The following MX1 variants were observed in gnomAD, a reference collection of about 807,000 sequenced individuals.
MX1 encodes the protein interferon-induced GTP-binding protein Mx1.
In MX1, 66 loss-of-function variants were observed where a neutral mutation model predicts 66.4. The observed-to-expected ratio is 0.99, with a 90% confidence interval of 0.82 to 1.22. The LOEUF (loss-of-function observed/expected upper bound fraction) is 1.22, where lower values mean the gene tolerates loss of function less well. MX1 is among the 50% of genes most tolerant of loss of function. The pLI is 0.00. For synonymous variants in MX1, 311 were observed against 318.1 expected (o/e 0.98, Z 0.24); for missense variants, 787 against 834.3 (o/e 0.94, Z 0.70).
chr21:41,423,613 G>A (rs901562294), upstream of MX1, among the ~76,000 whole-genome samples: 1 of 152,218 alleles, frequency 6.6e-6, no homozygotes, highest in South Asian at 2.1e-4. Flanking sequence ...CTAGGCTTAG[G>A]GATTCTTAGT....
intron 7 of MX1, among the ~76,000 whole-genome samples, chr21:41,438,771 C>T (rs762144468): frequency 4.6e-5 from 7 of 152,202 alleles, no homozygotes; most frequent in African/African-American, 7.2e-5. Flanking sequence ...AATGTAGAGG[C>T]TTTCTGTCCC....
intron 3 of MX1, chr21:41,430,050 C>G (rs1006023139): frequency 6.6e-6 from 1 of 152,146 alleles, no homozygotes; most frequent in Non-Finnish European, 1.5e-5. Context: ...TGTTCTTTAG[C>G]CAAGGCAGCA....
chr21:41,437,474 T>TAA (rs3216170), intron 7 of MX1, among the ~76,000 whole-genome samples: 3 of 148,744 alleles, frequency 2.0e-5, no homozygotes, highest in African/African-American at 7.4e-5. Flanking sequence ...CCCCGTCTCT[T>TAA]AAAAAAAAAA....
rs376502640 is a variant in MX1 at position 41,441,531 on chromosome 21, G to A, written c.731-185G>A. The A allele has an allele frequency of 1.6e-5, 10 of 627,178 alleles. No homozygotes were observed. The highest frequency in any genetic ancestry group is 2.3e-5 in the Non-Finnish European group (8 of 354,888). 38.9% of individuals were successfully genotyped at this position (627,178 alleles called of 1,614,324 possible). A position where few individuals can be genotyped will look rare whatever the true frequency, so the allele number is the denominator to read the frequency against. The stretch of plus-strand genomic sequence containing the variant: ...TTCTGGGAGGCATCCCTGCCTTCAC[G>A]CGGCTTGTCGTGGAGTTCTTTTCTG... On this transcript the variant is annotated intron_variant, in intron 9 of 16. Coordinates refer to ENST00000398598, the MANE Select transcript of MX1 (RefSeq NM_002462.5). This position sits in a 1 kb window ranked among gnomAD's most constrained non-coding sequence, Gnocchi z 4.0.
intron 16 of MX1, among the ~76,000 whole-genome samples, chr21:41,453,259 C>G (rs532060801): frequency 5.3e-5 from 8 of 152,188 alleles, no homozygotes; most frequent in Non-Finnish European, 1.2e-4. Context: ...GGAGAAACTG[C>G]CCCCATGATT....
chr21:41,441,082 CGGTGAGAATGGGGGA>C lies in MX1; in HGVS notation c.730+59_730+73del. ...GAGAATGGGGGAGCCCGCCTGTGCTCGGTGAGAATGGGGGAGCCCACCTGTGCTCGGTGAGAATGG... is the reference window on the plus strand; with the variant it reads ...GAGAATGGGGGAGCCCGCCTGTGCTCGCCCACCTGTGCTCGGTGAGAATGG... On this transcript the variant is annotated intron_variant, in intron 9 of 16. Transcript: ENST00000398598. The surrounding 1 kb of genome is among the most constrained non-coding windows in gnomAD (Gnocchi z 4.0). The C allele has an allele frequency of 6.9e-7, 1 of 1,451,416 alleles. No homozygotes were observed. The highest frequency in any genetic ancestry group is 9.2e-7 in the Non-Finnish European group (1 of 1,082,998). The allele number at this position is 1,451,416 out of a possible 1,614,324, so 89.9% of individuals were successfully genotyped here. A position where few individuals can be genotyped will look rare whatever the true frequency, so the allele number is the denominator to read the frequency against.
intron 3 of MX1, chr21:41,428,397 A>T (rs576918925): frequency 6.6e-6 from 1 of 152,272 alleles, no homozygotes; most frequent in Non-Finnish European, 1.5e-5. Context: ...TAGGGTAAGG[A>T]CCCACAGTGG....
At chr21:41,446,188 G>A (rs746133484) in intron 13 of MX1, 47 bp downstream of exon 13, 1 of 1,509,704 alleles carries the variant, frequency 6.6e-7, no homozygotes, top group South Asian at 1.1e-5. Flanking sequence ...CCGAATACCT[G>A]AGACTGGGTC....
chr21:41,425,502 T>C (rs529730480), upstream of MX1, among the ~76,000 whole-genome samples: 35 of 152,362 alleles, frequency 2.3e-4, no homozygotes, highest in African/African-American at 8.2e-4. Context: ...TCAGTTACTT[T>C]AGGCCATCTG....
intron 7 of MX1, 51 bp downstream of exon 7, chr21:41,437,203 G>A: frequency 2.5e-6 from 4 of 1,607,446 alleles, no homozygotes; most frequent in Non-Finnish European, 3.4e-6. Flanking sequence ...CATGCATGGG[G>A]TCTGTTTGTA....
At chr21:41,431,318 G>A (rs555523153) in intron 4 of MX1, among the ~76,000 whole-genome samples, 50 of 152,292 alleles carry the variant, frequency 3.3e-4, no homozygotes, top group African/African-American at 1.0e-3. Flanking sequence ...GAGCTACTGT[G>A]CCCAGCCTTT....
upstream of MX1, among the ~76,000 whole-genome samples, chr21:41,424,233 GTGT>G (rs2090022107): frequency 7.8e-6 from 1 of 128,696 alleles, no homozygotes; most frequent in Non-Finnish European, 1.8e-5. Context: ...TTGAGTGTGT[GTGT>G]GTGTGTGTGT....
At chr21:41,429,515 G>A (rs1207945207) in intron 3 of MX1, 1 of 152,194 alleles carries the variant, frequency 6.6e-6, no homozygotes, top group African/African-American at 2.4e-5. Context: ...GGCAGATGAA[G>A]TGGTGGTCTT....
At chr21:41,451,743 T>C (rs1477910267) in intron 15 of MX1, among the ~76,000 whole-genome samples, 1 of 150,076 alleles carries the variant, frequency 6.7e-6, no homozygotes, top group Non-Finnish European at 1.5e-5. Context: ...GCTGACACTT[T>C]AGAATTGATT....
chr21:41,446,224 C>G (rs1049629523), intron 13 of MX1, 83 bp downstream of exon 13: 8 of 1,253,236 alleles, frequency 6.4e-6, no homozygotes, highest in Middle Eastern at 1.9e-4. Context: ...AAACTTATTG[C>G]TCATTGTTCT....
chr21:41,455,355 A>C (rs1217607183), intron 16 of MX1, among the ~76,000 whole-genome samples: 1 of 152,244 alleles, frequency 6.6e-6, no homozygotes, highest in Admixed American at 6.5e-5. Flanking sequence ...GTTAAGGGGA[A>C]GACAGGCATG....
At chr21:41,456,263 AAAAC>A (rs2090956683) in intron 16 of MX1, among the ~76,000 whole-genome samples, 1 of 152,162 alleles carries the variant, frequency 6.6e-6, no homozygotes, top group Non-Finnish European at 1.5e-5. Flanking sequence ...AAACAAACAA[AAAAC>A]AAAACAAAAC....
intron 5 of MX1, among the ~76,000 whole-genome samples, chr21:41,433,579 T>C (rs2090281920): frequency 6.6e-6 from 1 of 152,212 alleles, no homozygotes; most frequent in Non-Finnish European, 1.5e-5. Flanking sequence ...TGATTCCACT[T>C]ACGTAAAATT....
Position 41,441,055 on chromosome 21 carries a change from G to GTGAGAATGGGGGAGCCCGTCTGTGCTCGA in MX1, c.730+48_730+49insTCTGTGCTCGATGAGAATGGGGGAGCCCG. 1 of 1,504,066 alleles carries GTGAGAATGGGGGAGCCCGTCTGTGCTCGA rather than the reference G, an allele frequency of 6.6e-7. No homozygotes were observed. The highest frequency in any genetic ancestry group is 9.1e-7 in the Non-Finnish European group (1 of 1,097,756). The allele number at this position is 1,504,066 out of a possible 1,614,324, so 93.2% of individuals were successfully genotyped here. ...GAGTGGGGGAGCCCCACTGTGCTCA[G>GTGAGAATGGGGGAGCCCGTCTGTGCTCGA]TGAGAATGGGGGAGCCCGCCTGTGC... On this transcript the variant is annotated intron_variant, in intron 9 of 16. Coordinates refer to ENST00000398598, the MANE Select transcript of MX1 (RefSeq NM_002462.5). This position sits in a 1 kb window ranked among gnomAD's most constrained non-coding sequence, Gnocchi z 4.0.
Sources: allele counts gnomAD v4.1 joint callset (sites outside exome capture counted in the v4.1 genomes callset), GRCh38; gene constraint gnomAD v4.1.1; non-coding constraint Gnocchi (gnomAD v3.1); transcripts MANE v1.5; gene names NCBI Gene and HGNC (gene_info 2026-07-23, HGNC 2026-07-21).